USH2A: variants seen among roughly 807,000 people sequenced by gnomAD.
USH2A encodes Usher syndrome 2A (autosomal recessive, mild).
Under a neutral mutation model 538.9 loss-of-function variants are expected in USH2A, and 443 were observed. The observed-to-expected ratio is 0.82, with a 90% CI of 0.76 to 0.89. The LOEUF (loss-of-function observed/expected upper bound fraction) is 0.89, where lower values mean the gene tolerates loss of function less well. Ranked by LOEUF, USH2A falls within the 40% of genes least tolerant of loss-of-function variation. The pLI is 0.00. For synonymous variants in USH2A, 2,413 were observed against 2,273.5 expected (o/e 1.06, Z -1.75); for missense variants, 6,633 against 6,324.8 (o/e 1.05, Z -1.65).
intron 11 of USH2A, among the ~76,000 whole-genome samples, chr1:216,266,945 T>C (rs2102574948): frequency 6.6e-6 from 1 of 151,830 alleles, no homozygotes; most frequent in South Asian, 2.1e-4. Context: ...ATTTTATATA[T>C]ATATATAAAA....
rs1187448830 is a variant in USH2A, at chr1:216,005,339, A to G, written c.6326-4777T>C. Among the ~76,000 whole-genome samples, 7 of 152,110 alleles carry G rather than the reference A, an allele frequency of 4.6e-5. No individual in the cohort carries two copies. The East Asian group carries it at 1.3e-3, about 29-fold the overall frequency. On this transcript the variant is annotated intron_variant, in intron 32 of 71. Coordinates refer to ENST00000307340, the MANE Select transcript of USH2A (RefSeq NM_206933.4). Reference sequence around the variant, plus strand: ...AGGTTCTTGTTATATCACCTTGTTTAGTTCCATATCATAATTACTAAAACA... The same window carrying G: ...AGGTTCTTGTTATATCACCTTGTTTGGTTCCATATCATAATTACTAAAACA...
intron 3 of USH2A, among the ~76,000 whole-genome samples, chr1:216,369,762 T>C (rs1033019923): frequency 2.0e-5 from 3 of 150,302 alleles, no homozygotes; most frequent in African/African-American, 7.4e-5. Context: ...AAAATATATA[T>C]ATATACAAAA....
At chr1:216,023,055 C>T (rs1449095773) in intron 32 of USH2A, among the ~76,000 whole-genome samples, 1 of 151,966 alleles carries the variant, frequency 6.6e-6, no homozygotes, top group Admixed American at 6.6e-5. Context: ...TTGCTGGAGG[C>T]AGAGATCATC....
chr1:216,044,990 G>T (rs539978934), intron 32 of USH2A, among the ~76,000 whole-genome samples: 1 of 152,146 alleles, frequency 6.6e-6, no homozygotes, highest in African/African-American at 2.4e-5. Flanking sequence ...TGAATACACA[G>T]CCCTGTCCAC....
chr1:216,298,077 C>T (rs1346541857), intron 9 of USH2A, among the ~76,000 whole-genome samples: 1 of 152,132 alleles, frequency 6.6e-6, no homozygotes, highest in Non-Finnish European at 1.5e-5. Flanking sequence ...TAACACAATG[C>T]CCTGAGCCTA....
chr1:216,131,253 G>C (rs769551106), intron 21 of USH2A, among the ~76,000 whole-genome samples: 1 of 151,958 alleles, frequency 6.6e-6, no homozygotes, highest in Admixed American at 6.6e-5. Context: ...ATCCCACTCT[G>C]TGGGTTTTCT....
intron 32 of USH2A, among the ~76,000 whole-genome samples, chr1:216,031,326 A>C (rs774749590): frequency 6.6e-6 from 1 of 152,168 alleles, no homozygotes; most frequent in African/African-American, 2.4e-5. Context: ...GTTAATGGAA[A>C]TCTGCACCAA....
intron 44 of USH2A, among the ~76,000 whole-genome samples, chr1:215,851,350 G>T (rs1664010787): frequency 6.6e-6 from 1 of 152,048 alleles, no homozygotes; most frequent in African/African-American, 2.4e-5. Context: ...AGCTCAATTA[G>T]AAATAAAACA....
chr1:215,663,263 G>C (rs186743391), intron 64 of USH2A, among the ~76,000 whole-genome samples: 34 of 152,248 alleles, frequency 2.2e-4, no homozygotes, highest in African/African-American at 7.9e-4. Context: ...ATCCTGGGGG[G>C]ATCGGATGGG....
At chr1:215,775,685 T>C (rs528269859) in intron 55 of USH2A, among the ~76,000 whole-genome samples, 2 of 152,312 alleles carry the variant, frequency 1.3e-5, no homozygotes, top group South Asian at 2.1e-4. Flanking sequence ...TTTCTACATT[T>C]TGTTGTATTG....
At chr1:215,876,274 G>T (rs1664767125) in intron 43 of USH2A, among the ~76,000 whole-genome samples, 1 of 152,056 alleles carries the variant, frequency 6.6e-6, no homozygotes, top group African/African-American at 2.4e-5. Flanking sequence ...TATAAAAGTG[G>T]CAGTTTCATA....
At chr1:215,953,236 A>G (rs1221708922) in intron 37 of USH2A, among the ~76,000 whole-genome samples, 5 of 152,102 alleles carry the variant, frequency 3.3e-5, no homozygotes, top group African/African-American at 1.2e-4. Context: ...TATGGAACCA[A>G]AAAAAGAGCC....
At chr1:216,375,939 G>A (rs572326017) in intron 3 of USH2A, among the ~76,000 whole-genome samples, 1 of 152,204 alleles carries the variant, frequency 6.6e-6, no homozygotes, top group African/African-American at 2.4e-5. Flanking sequence ...AGAACATTCT[G>A]TCGGTGGAGA....
At chr1:216,396,728 T>C (rs889832004) in intron 3 of USH2A, among the ~76,000 whole-genome samples, 3 of 151,960 alleles carry the variant, frequency 2.0e-5, no homozygotes, top group African/African-American at 7.3e-5. Context: ...ACAAAAAAAA[T>C]CAGATACAAA....
At chr1:215,818,375 C>G (rs1662918254) in intron 47 of USH2A, among the ~76,000 whole-genome samples, 1 of 151,126 alleles carries the variant, frequency 6.6e-6, no homozygotes, top group Admixed American at 6.6e-5. Context: ...ACATACTTTG[C>G]TTAATTTTTT....
At chr1:215,627,670 T>C (rs1343204062) in intron 71 of USH2A, among the ~76,000 whole-genome samples, 1 of 151,910 alleles carries the variant, frequency 6.6e-6, no homozygotes, top group African/African-American at 2.4e-5. Flanking sequence ...GGATTACAGG[T>C]GCGCACCACC....
chr1:215,694,433 C>T (rs930042578), intron 61 of USH2A, among the ~76,000 whole-genome samples: 7 of 152,040 alleles, frequency 4.6e-5, no homozygotes, highest in African/African-American at 9.7e-5. Flanking sequence ...ATTAGACGGG[C>T]GTGGTTGCGG....
intron 64 of USH2A, among the ~76,000 whole-genome samples, chr1:215,666,311 G>A (rs927771793): frequency 6.6e-6 from 1 of 150,836 alleles, no homozygotes; most frequent in African/African-American, 2.4e-5. Context: ...AATTATATGA[G>A]TAGCTGAGAC....
intron 35 of USH2A, among the ~76,000 whole-genome samples, chr1:215,991,962 G>A (rs1400153806): frequency 1.3e-5 from 2 of 152,014 alleles, no homozygotes; most frequent in African/African-American, 4.8e-5. Context: ...TTTTTTCTTG[G>A]AAAATTTGTA....
Sources: gnomAD v4.1 joint callset for allele counts (sites outside exome capture counted in the v4.1 genomes callset) on GRCh38, gnomAD v4.1.1 for gene constraint, MANE v1.5 for transcripts, NCBI Gene and HGNC (gene_info 2026-07-23, HGNC 2026-07-21) for gene names.